The following MGAT4C variants were observed in gnomAD, a reference collection of about 807,000 sequenced individuals.
The protein encoded by MGAT4C is MGAT4 family member C.
Under a neutral mutation model 40.1 loss-of-function variants are expected in MGAT4C, and 19 were observed. The ratio of observed to expected loss-of-function variants is 0.47; its 90% CI spans 0.33 to 0.70. MGAT4C has a LOEUF of 0.70. Among genes scored for constraint, MGAT4C ranks in the 30% least tolerant of loss-of-function variants. The pLI is 0.02. For synonymous variants in MGAT4C, 181 were observed against 187.1 expected (o/e 0.97, Z 0.27); for missense variants, 491 against 563.2 (o/e 0.87, Z 1.30).
intron 1 of MGAT4C, among the ~76,000 whole-genome samples, chr12:86,765,264 C>A (rs898744990): frequency 6.6e-6 from 1 of 152,034 alleles, no homozygotes; most frequent in African/African-American, 2.4e-5. Context: ...GAAAGGGTAC[C>A]AGTGATGTAA....
chr12:86,617,943 G>T (rs1962508880), intron 2 of MGAT4C, among the ~76,000 whole-genome samples: 1 of 152,016 alleles, frequency 6.6e-6, no homozygotes, highest in South Asian at 2.1e-4. Context: ...ATTTGGCAAA[G>T]AACTAATACC....
rs1336695674 is a variant in MGAT4C at position 86,177,272 on chromosome 12, G to C, written c.-57+78967C>G. Among the ~76,000 whole-genome samples the C allele has an allele frequency of 3.3e-5, 5 of 152,218 alleles. No homozygotes were observed. In the East Asian group the frequency reaches 9.7e-4, roughly 29 times the overall value. The stretch of plus-strand genomic sequence containing the variant: ...AATGATGATACTCAGTATGAAAATA[G>C]ATATTCTGATGGCATTACCTTCCCT... On this transcript the variant is annotated intron_variant, in intron 1 of 4. Coordinates refer to ENST00000611864, the MANE Select transcript of MGAT4C (RefSeq NM_001351288.2).
chr12:86,163,372 T>C (rs1885823673), intron 1 of MGAT4C, among the ~76,000 whole-genome samples: 1 of 152,056 alleles, frequency 6.6e-6, no homozygotes, highest in Admixed American at 6.6e-5. Context: ...TAAAAACTTT[T>C]TGTAGAGACA....
rs1882999967 is a variant in MGAT4C, at chr12:85,959,564, A to G, written c.*19725T>C. 1 of 152,050 alleles carries G rather than the reference A, an allele frequency of 6.6e-6. No individual in the cohort carries two copies. Among genetic ancestry groups the G allele is most frequent in the Admixed American group, 6.6e-5 (1 of 15,232 alleles). The allele number at this position is 152,050 out of a possible 1,614,324, so 9.4% of individuals were successfully genotyped here. A position where few individuals can be genotyped will look rare whatever the true frequency, so the allele number is the denominator to read the frequency against. On this transcript the variant is annotated 3_prime_UTR_variant, in exon 5 of 5. Transcript: ENST00000611864. ...GAATTTTACTACTTTAGACAAAGGT[A>G]CAACACTCTATTCAAAAAAGTTATT...
chr12:86,046,269 G>A (rs1455439509), intron 2 of MGAT4C, among the ~76,000 whole-genome samples: 1 of 152,118 alleles, frequency 6.6e-6, no homozygotes, highest in Non-Finnish European at 1.5e-5. Context: ...ATGAGTTCAA[G>A]CTGACTTTTT....
rs150297306 is a variant in MGAT4C at position 86,078,755 on chromosome 12, G to A, written c.-56-29032C>T. ...ATGGCCACTTTGTTCATGGCCCATC[G>A]GGCGATGACAGGGGTGGCTGGGCAA... On this transcript the variant is annotated intron_variant, in intron 1 of 4. Transcript: ENST00000611864. Among the ~76,000 whole-genome samples, 218 of 152,176 alleles carry A rather than the reference G, an allele frequency of 1.4e-3. 6 individuals are homozygous for A. In the East Asian group the frequency reaches 0.04, roughly 28 times the overall value.
At chr12:86,184,375 A>T (rs897278309) in intron 1 of MGAT4C, among the ~76,000 whole-genome samples, 3 of 139,142 alleles carry the variant, frequency 2.2e-5, no homozygotes, top group Non-Finnish European at 4.7e-5. Flanking sequence ...GACTCCGTTT[A>T]AAAAAAAAAA....
At chr12:86,456,842 C>G (rs59227390) in intron 2 of MGAT4C, among the ~76,000 whole-genome samples, 10,489 of 152,102 alleles carry the variant, frequency 0.069, 843 homozygotes, top group East Asian at 0.24. Context: ...TATGAGCTCT[C>G]TATCTTACAT....
intron 1 of MGAT4C, among the ~76,000 whole-genome samples, chr12:86,189,192 G>A (rs1297780948): frequency 2.0e-5 from 3 of 151,870 alleles, no homozygotes; most frequent in African/African-American, 7.3e-5. Context: ...TAGACTTCCT[G>A]CATCGCTTTT....
At position 86,458,384 on chromosome 12, in the gene MGAT4C, T is replaced by C. The variant is rs142756915; in HGVS notation, c.-228-23119A>G. Among the ~76,000 whole-genome samples the C allele has an allele frequency of 2.6e-5, 4 of 152,282 alleles. No individual in the cohort carries two copies. The East Asian group carries it at 7.7e-4, about 29-fold the overall frequency. ...CAGCCTTTTCTTTGGTAATGTCAGA[T>C]TCCTACCTGGTTTCTCAGTTCTCAG... is the stretch of plus-strand genomic sequence containing the variant. On this transcript the variant is annotated intron_variant, in intron 2 of 7. Transcript: ENST00000548651.
At chr12:86,502,866 TATATATATATATATGAGTTCTGCTC>T (rs1565808960) in intron 2 of MGAT4C, among the ~76,000 whole-genome samples, 1,328 of 76,818 alleles carry the variant, frequency 0.017, 328 homozygotes, top group East Asian at 0.055. Flanking sequence ...GTTCTGCTCA[TATATATATATATATGAGTTCTGCTC>T]ATATATATAT....
intron 1 of MGAT4C, among the ~76,000 whole-genome samples, chr12:86,764,045 C>T (rs375311367): frequency 2.0e-5 from 3 of 152,166 alleles, no homozygotes; most frequent in East Asian, 2.0e-4. Flanking sequence ...GTGCATGAGC[C>T]GAAGCAGGGT....
chr12:86,607,102 C>A (rs1414556462), intron 2 of MGAT4C, among the ~76,000 whole-genome samples: 1 of 151,902 alleles, frequency 6.6e-6, no homozygotes, highest in Admixed American at 6.6e-5. Context: ...AAGAGTAATA[C>A]TTGAGAAAAA....
At chr12:86,230,901 G>A (rs1951293400) in intron 1 of MGAT4C, among the ~76,000 whole-genome samples, 1 of 142,024 alleles carries the variant, frequency 7.0e-6, no homozygotes, top group Non-Finnish European at 1.5e-5. Context: ...CCTAATTTAC[G>A]TGCCAAACGG....
intron 3 of MGAT4C, among the ~76,000 whole-genome samples, chr12:86,376,396 A>C (rs1348218608): frequency 6.6e-6 from 1 of 151,964 alleles, no homozygotes; most frequent in African/African-American, 2.4e-5. Flanking sequence ...AAAAATAAAT[A>C]AATTTGAAAA....
chr12:86,259,304 T>G (rs1952606477), upstream of MGAT4C, among the ~76,000 whole-genome samples: 1 of 152,102 alleles, frequency 6.6e-6, no homozygotes, highest in South Asian at 2.1e-4. Context: ...GACATCAGTC[T>G]GCACATGTAT....
intron 2 of MGAT4C, among the ~76,000 whole-genome samples, chr12:85,992,952 T>C (rs1224877487): frequency 2.0e-5 from 3 of 152,172 alleles, no homozygotes; most frequent in Non-Finnish European, 4.4e-5. Context: ...AGCAGGGGAA[T>C]CAACCCCCTT....
At chr12:86,642,962 G>GC (rs1241741014) in intron 2 of MGAT4C, among the ~76,000 whole-genome samples, 8 of 151,646 alleles carry the variant, frequency 5.3e-5, no homozygotes, top group Non-Finnish European at 1.5e-5. Context: ...TGCCTTAACA[G>GC]TCTTCAAAAA....
chr12:86,568,050 C>T (rs763677899), intron 2 of MGAT4C, among the ~76,000 whole-genome samples: 2 of 151,992 alleles, frequency 1.3e-5, no homozygotes, highest in Non-Finnish European at 2.9e-5. Context: ...TATGGGTTCA[C>T]GTTGACAAGG....
Sources: allele counts gnomAD v4.1 joint callset (sites outside exome capture counted in the v4.1 genomes callset), GRCh38; gene constraint gnomAD v4.1.1; transcripts MANE v1.5; gene names NCBI Gene and HGNC (gene_info 2026-07-23, HGNC 2026-07-21).